LRRIQ3: variants seen among roughly 807,000 people sequenced by gnomAD.
LRRIQ3 encodes leucine-rich repeat and IQ domain-containing protein 3.
In LRRIQ3, 75 loss-of-function variants were observed where a neutral mutation model predicts 59.3. That is an observed-to-expected ratio of 1.26 (90% confidence interval 1.05 to 1.53). The LOEUF is 1.53. LRRIQ3 is among the 40% of genes most tolerant of loss of function. The pLI is 0.00. For synonymous variants in LRRIQ3, 250 were observed against 231.3 expected, an observed-to-expected ratio of 1.08 and a Z score of -0.73; for missense variants, 831 against 710.0, an observed-to-expected ratio of 1.17 and a Z score of -1.94.
At chr1:74,187,206 T>C (rs1382312930) in intron 1 of LRRIQ3, among the ~76,000 whole-genome samples, 4 of 152,064 alleles carry the variant, frequency 2.6e-5, no homozygotes, top group African/African-American at 7.2e-5. Context: ...TAATTCATTA[T>C]ATAAAAAAGA....
intron 6 of LRRIQ3, among the ~76,000 whole-genome samples, chr1:74,062,493 T>C (rs1474201370): frequency 1.3e-5 from 2 of 152,138 alleles, no homozygotes; most frequent in East Asian, 3.9e-4. Flanking sequence ...GAAAGCAGTT[T>C]GACAATTTCT....
intron 5 of LRRIQ3, among the ~76,000 whole-genome samples, chr1:74,081,044 C>A (rs886847766): frequency 6.6e-6 from 1 of 151,470 alleles, no homozygotes; most frequent in Non-Finnish European, 1.5e-5. Flanking sequence ...AAAAAGATAA[C>A]CCCTTTAAGT....
chr1:74,048,003 C>A (rs1057480102), intron 6 of LRRIQ3, among the ~76,000 whole-genome samples: 1 of 152,126 alleles, frequency 6.6e-6, no homozygotes, highest in Non-Finnish European at 1.5e-5. Context: ...ATGGACACAG[C>A]AAGATGGTGG....
intron 6 of LRRIQ3, among the ~76,000 whole-genome samples, chr1:74,052,172 C>G (rs142945262): frequency 7.0e-4 from 107 of 152,192 alleles, no homozygotes; most frequent in African/African-American, 2.4e-3. Context: ...ATGTGAGTTC[C>G]ACCAGGACCG....
chr1:74,049,916 CT>C (rs71242762), intron 6 of LRRIQ3, among the ~76,000 whole-genome samples: 2 of 142,814 alleles, frequency 1.4e-5, no homozygotes, highest in African/African-American at 5.2e-5. Context: ...ACCTTTGTGT[CT>C]TTTTTTTCTT....
At chr1:74,181,658 C>T (rs1474546708) in intron 3 of LRRIQ3, 2 of 151,670 alleles carry the variant, frequency 1.3e-5, no homozygotes, top group Admixed American at 6.6e-5. Context: ...ATATTTTTAA[C>T]TATTAGTACA....
intron 4 of LRRIQ3, among the ~76,000 whole-genome samples, chr1:74,148,014 T>C (rs1422324107): frequency 2.0e-5 from 3 of 152,218 alleles, no homozygotes; most frequent in Admixed American, 6.5e-5. Context: ...TTATATCTCA[T>C]TGAGTTCCTT....
chr1:74,172,515 A>T (rs923648236), intron 3 of LRRIQ3, among the ~76,000 whole-genome samples: 2 of 152,180 alleles, frequency 1.3e-5, no homozygotes, highest in African/African-American at 4.8e-5. Context: ...TTTATTCTAA[A>T]GAAGGTTCTG....
At chr1:74,164,349 G>T (rs1648842121) in intron 3 of LRRIQ3, among the ~76,000 whole-genome samples, 1 of 151,324 alleles carries the variant, frequency 6.6e-6, no homozygotes, top group African/African-American at 2.4e-5. Flanking sequence ...TATGACTGGT[G>T]TTCTTTTAAG....
At chr1:74,145,122 TA>T (rs1211460227) in intron 4 of LRRIQ3, among the ~76,000 whole-genome samples, 1 of 152,120 alleles carries the variant, frequency 6.6e-6, no homozygotes, top group Non-Finnish European at 1.5e-5. Context: ...ATCACTAGCG[TA>T]TGAATGACTT....
intron 1 of LRRIQ3, among the ~76,000 whole-genome samples, chr1:74,190,988 C>G (rs1384834763): frequency 1.3e-5 from 2 of 152,112 alleles, no homozygotes; most frequent in East Asian, 3.9e-4. Flanking sequence ...CACCTTCTGT[C>G]ATGATGCTGA....
chr1:74,122,470 C>T (rs1032572140), intron 4 of LRRIQ3, among the ~76,000 whole-genome samples: 1 of 151,610 alleles, frequency 6.6e-6, no homozygotes, highest in African/African-American at 2.4e-5. Context: ...GGTACTGGTA[C>T]CAAAACAGAG....
At chr1:74,140,324 A>G (rs984982753) in intron 4 of LRRIQ3, among the ~76,000 whole-genome samples, 13 of 151,914 alleles carry the variant, frequency 8.6e-5, no homozygotes, top group Admixed American at 5.9e-4. Flanking sequence ...AGATGAATTG[A>G]GAGTCATTTC....
chr1:74,163,217 A>C (rs1199553355), intron 3 of LRRIQ3, among the ~76,000 whole-genome samples: 1 of 151,630 alleles, frequency 6.6e-6, no homozygotes. Flanking sequence ...TTTATTTCAA[A>C]TAAAGAAAAA....
chr1:74,071,366 A>C (rs1655024500), intron 6 of LRRIQ3, among the ~76,000 whole-genome samples: 1 of 152,098 alleles, frequency 6.6e-6, no homozygotes, highest in South Asian at 2.1e-4. Flanking sequence ...CAGAGTCTGT[A>C]AGGTGTGTTC....
intron 5 of LRRIQ3, among the ~76,000 whole-genome samples, chr1:74,104,962 TAA>T (rs1434115872): frequency 6.6e-6 from 1 of 151,902 alleles, no homozygotes; most frequent in African/African-American, 2.4e-5. Flanking sequence ...CTCTAACAAA[TAA>T]AGTTTATGAA....
At chr1:74,140,572 T>C (rs1040067927) in intron 4 of LRRIQ3, among the ~76,000 whole-genome samples, 29 of 151,848 alleles carry the variant, frequency 1.9e-4, no homozygotes, top group African/African-American at 6.8e-4. Flanking sequence ...AGTGACCTAA[T>C]AGAAACACAA....
At chr1:74,119,406 A>G (rs1646821186) in intron 4 of LRRIQ3, among the ~76,000 whole-genome samples, 1 of 151,878 alleles carries the variant, frequency 6.6e-6, no homozygotes, top group Non-Finnish European at 1.5e-5. Flanking sequence ...TCTTTGCTCG[A>G]CTACTTTATA....
chr1:74,041,357 C>T lies in LRRIQ3; in HGVS notation c.1574G>A (p.Arg525His), dbSNP rs374700532. The T allele has an allele frequency of 3.2e-5, 52 of 1,613,758 alleles. No homozygotes were observed. In the Middle Eastern group the frequency reaches 6.6e-4, roughly 20 times the overall value. ...AAGTAGTCCTCTGGTCAAAAGAGTG[C>T]GCTCATTATTTAAGTTTTGAACTAA... ...RLLVQNLNNERTLLTRGLLKI... is the reference protein window; with the variant it reads ...RLLVQNLNNEHTLLTRGLLKI... Residue 525 changes from arginine (R) to histidine (H), a missense_variant, in exon 7 of 8, where the codon CGC becomes CAC. Transcript: ENST00000354431.
Sources: gnomAD v4.1 joint callset for allele counts (sites outside exome capture counted in the v4.1 genomes callset) on GRCh38, gnomAD v4.1.1 for gene constraint, MANE v1.5 for transcripts, NCBI Gene and HGNC (gene_info 2026-07-23, HGNC 2026-07-21) for gene names.